The following FER variants were observed in gnomAD, a reference collection of about 807,000 sequenced individuals.
FER encodes the protein FER tyrosine kinase.
In FER, 63 loss-of-function variants were observed where a neutral mutation model predicts 111.0. The observed-to-expected ratio is 0.57, with a 90% CI of 0.46 to 0.70. FER has a LOEUF of 0.70. Among genes scored for constraint, FER ranks in the 30% least tolerant of loss-of-function variants. FER has a pLI of 0.00. For synonymous variants in FER, 327 were observed against 313.9 expected, an observed-to-expected ratio of 1.04 and a Z score of -0.44; for missense variants, 914 against 954.0, an observed-to-expected ratio of 0.96 and a Z score of 0.55.
chr5:108,790,688 C>T (rs947568824), intron 2 of FER, among the ~76,000 whole-genome samples: 26 of 152,086 alleles, frequency 1.7e-4, no homozygotes, highest in South Asian at 4.2e-4. Flanking sequence ...AGAATTCAGC[C>T]GTTGAAATTG....
At chr5:109,009,583 T>C (rs910708655) in intron 13 of FER, among the ~76,000 whole-genome samples, 1 of 152,180 alleles carries the variant, frequency 6.6e-6, no homozygotes, top group Non-Finnish European at 1.5e-5. Context: ...TCACTACTCT[T>C]ATAGAATCTA....
chr5:109,053,507 A>G (rs1773143294), intron 16 of FER, among the ~76,000 whole-genome samples: 1 of 151,730 alleles, frequency 6.6e-6, no homozygotes, highest in Non-Finnish European at 1.5e-5. Context: ...TCTACCTTTT[A>G]CTACCCTGTC....
intron 16 of FER, among the ~76,000 whole-genome samples, chr5:109,079,085 A>G (rs1387660366): frequency 6.6e-6 from 1 of 152,124 alleles, no homozygotes; most frequent in Non-Finnish European, 1.5e-5. Flanking sequence ...ACATTTAAAG[A>G]TGAATTTGTA....
At chr5:109,138,675 C>T (rs1429491194) in intron 17 of FER, among the ~76,000 whole-genome samples, 1 of 152,090 alleles carries the variant, frequency 6.6e-6, no homozygotes, top group African/African-American at 2.4e-5. Context: ...ATTTTAATAT[C>T]AGTCAGCTAT....
intron 13 of FER, among the ~76,000 whole-genome samples, chr5:109,036,721 A>T (rs1395687871): frequency 6.7e-6 from 1 of 149,610 alleles, no homozygotes; most frequent in Non-Finnish European, 1.5e-5. Flanking sequence ...ATTAAAAACC[A>T]TATTTTTTCT....
At chr5:108,800,605 G>C (rs1297449343) in intron 3 of FER, among the ~76,000 whole-genome samples, 1 of 152,082 alleles carries the variant, frequency 6.6e-6, no homozygotes, top group African/African-American at 2.4e-5. Context: ...CTCCCACCTT[G>C]GCCTCCCAAA....
At chr5:109,184,121 A>G (rs1758595006) in intron 18 of FER, among the ~76,000 whole-genome samples, 1 of 152,248 alleles carries the variant, frequency 6.6e-6, no homozygotes, top group Non-Finnish European at 1.5e-5. Context: ...CTGATCTCCA[A>G]CTAAGAAATC....
At chr5:109,185,267 A>ACAAGGCACCATGTGATTT (rs1758733030) in intron 18 of FER, among the ~76,000 whole-genome samples, 1 of 152,210 alleles carries the variant, frequency 6.6e-6, no homozygotes, top group Non-Finnish European at 1.5e-5. Context: ...TTTCAACAAA[A>ACAAGGCACCATGTGATTT]CAAGGCACCA....
intron 2 of FER, among the ~76,000 whole-genome samples, chr5:108,795,202 G>A (rs1275364719): frequency 6.6e-6 from 1 of 152,124 alleles, no homozygotes; most frequent in Non-Finnish European, 1.5e-5. Context: ...ACACATACTT[G>A]TAGTCCCAGC....
At chr5:109,015,703 T>G (rs55899933) in intron 13 of FER, among the ~76,000 whole-genome samples, 42,603 of 151,834 alleles carry the variant, frequency 0.28, 6,647 homozygotes, top group African/African-American at 0.43. Context: ...AATTCAAAAT[T>G]AAATGGAATC....
chr5:109,095,702 A>C (rs1373732387), intron 16 of FER, among the ~76,000 whole-genome samples: 1 of 152,116 alleles, frequency 6.6e-6, no homozygotes, highest in Non-Finnish European at 1.5e-5. Flanking sequence ...TGGGCTGGCT[A>C]ACAGCCATAA....
At chr5:108,872,966 T>C (rs1412883435) in intron 8 of FER, among the ~76,000 whole-genome samples, 1 of 152,158 alleles carries the variant, frequency 6.6e-6, no homozygotes, top group African/African-American at 2.4e-5. Flanking sequence ...TGTTATATCA[T>C]ATCACCTGTT....
chr5:109,086,099 A>G (rs544808394), intron 16 of FER, among the ~76,000 whole-genome samples: 4 of 151,934 alleles, frequency 2.6e-5, no homozygotes. Flanking sequence ...AAATTTGTAT[A>G]TGATTGATTC....
chr5:109,158,955 T>C (rs1441631862), intron 17 of FER, among the ~76,000 whole-genome samples: 1 of 152,168 alleles, frequency 6.6e-6, no homozygotes, highest in Non-Finnish European at 1.5e-5. Context: ...AATTTTAAAT[T>C]CAGTCATTAA....
At chr5:108,856,142 C>G (rs6883442) in intron 5 of FER, among the ~76,000 whole-genome samples, 17,489 of 151,836 alleles carry the variant, frequency 0.12, 1,573 homozygotes, top group African/African-American at 0.25. Context: ...ACAGTTTATT[C>G]ATAGTAATAG....
intron 13 of FER, among the ~76,000 whole-genome samples, chr5:109,001,845 C>T (rs866172406): frequency 1.3e-5 from 2 of 151,562 alleles, no homozygotes; most frequent in African/African-American, 4.9e-5. Flanking sequence ...CAATAACAGA[C>T]AAACAGAGAG....
chr5:109,119,587 C>G (rs1256937291), intron 17 of FER, among the ~76,000 whole-genome samples: 2 of 152,110 alleles, frequency 1.3e-5, no homozygotes, highest in East Asian at 3.8e-4. Context: ...TCTCGTTGAT[C>G]TGTCTGATGT....
intron 17 of FER, among the ~76,000 whole-genome samples, chr5:109,108,594 C>A (rs1749230086): frequency 6.6e-6 from 1 of 152,134 alleles, no homozygotes; most frequent in Admixed American, 6.6e-5. Flanking sequence ...ATCCAACAGG[C>A]AGGAGATCAA....
intron 16 of FER, among the ~76,000 whole-genome samples, chr5:109,061,400 G>A (rs2149965902): frequency 6.6e-6 from 1 of 152,108 alleles, no homozygotes; most frequent in South Asian, 2.1e-4. Context: ...TTAACATTAT[G>A]TCAGTTATTC....
Sources: allele counts gnomAD v4.1 joint callset (sites outside exome capture counted in the v4.1 genomes callset), GRCh38; gene constraint gnomAD v4.1.1; transcripts MANE v1.5; gene names NCBI Gene and HGNC (gene_info 2026-07-23, HGNC 2026-07-21).